Variants in LUZP2 observed in about 807,000 individuals in gnomAD.
The protein encoded by LUZP2 is leucine zipper protein 2.
LUZP2 carries 52 observed loss-of-function variants against 51.6 expected under a neutral mutation model. The observed-to-expected ratio is 1.01, with a 90% confidence interval of 0.81 to 1.27. LUZP2 has a LOEUF of 1.27. Among genes scored for constraint, LUZP2 ranks in the 50% most tolerant of loss-of-function variants. LUZP2 has a pLI of 0.00. For synonymous variants in LUZP2, 154 were observed against 137.3 expected (o/e 1.12, Z -0.85); for missense variants, 436 against 395.4 (o/e 1.10, Z -0.87).
intron 1 of LUZP2, among the ~76,000 whole-genome samples, chr11:24,602,002 A>G (rs61875669): frequency 1.5e-3 from 120 of 78,056 alleles, no homozygotes; most frequent in Non-Finnish European, 2.4e-3. Flanking sequence ...ATATATGTAT[A>G]TATATGTATA....
intron 7 of LUZP2, among the ~76,000 whole-genome samples, chr11:24,961,938 G>A (rs1855422333): frequency 6.6e-6 from 1 of 151,820 alleles, no homozygotes; most frequent in Non-Finnish European, 1.5e-5. Context: ...TTTAGGGCAG[G>A]CCTGGTGGTG....
At chr11:24,650,873 ATTACC>A (rs1855604562) in intron 1 of LUZP2, among the ~76,000 whole-genome samples, 1 of 152,058 alleles carries the variant, frequency 6.6e-6, no homozygotes, top group African/African-American at 2.4e-5. Context: ...TCTTAAATAC[ATTACC>A]TTAGGCAGAT....
At chr11:24,517,846 G>C (rs1850527667) in intron 1 of LUZP2, among the ~76,000 whole-genome samples, 1 of 151,960 alleles carries the variant, frequency 6.6e-6, no homozygotes, top group Admixed American at 6.5e-5. Flanking sequence ...CATGTTTATG[G>C]TGTATAACAG....
intron 5 of LUZP2, among the ~76,000 whole-genome samples, chr11:24,872,818 G>A (rs1174225361): frequency 2.0e-5 from 3 of 152,104 alleles, no homozygotes; most frequent in African/African-American, 7.2e-5. Context: ...GAGTCAAGAA[G>A]CATACATTAC....
intron 5 of LUZP2, among the ~76,000 whole-genome samples, chr11:24,827,920 A>C (rs570254972): frequency 7.2e-5 from 11 of 152,174 alleles, no homozygotes; most frequent in Admixed American, 5.9e-4. Context: ...GACAACAGAA[A>C]ATTTCCACAG....
At chr11:24,786,043 A>ATCTTTGT in intron 5 of LUZP2, 1 of 985,330 alleles carries the variant, frequency 1.0e-6, no homozygotes, top group Non-Finnish European at 1.2e-6. Flanking sequence ...TCAATGTATT[A>ATCTTTGT]ACTCATCTTT....
intron 9 of LUZP2, among the ~76,000 whole-genome samples, chr11:24,993,883 T>A: frequency 6.6e-6 from 1 of 151,668 alleles, no homozygotes; most frequent in East Asian, 1.9e-4. Flanking sequence ...TGTGGGGGAA[T>A]AGAGTCTCGC....
chr11:24,662,909 T>C (rs1856068332), intron 1 of LUZP2, among the ~76,000 whole-genome samples: 1 of 152,044 alleles, frequency 6.6e-6, no homozygotes, highest in Non-Finnish European at 1.5e-5. Context: ...GATACAAGTG[T>C]GAGACAGTTA....
chr11:24,568,362 A>AC (rs34644209), intron 1 of LUZP2, among the ~76,000 whole-genome samples: 61,322 of 148,822 alleles, frequency 0.41, 13,052 homozygotes, highest in African/African-American at 0.51. Context: ...TCAGAAAAAA[A>AC]AAAAAAAAAA....
chr11:24,717,245 C>T (rs1210800661), intron 1 of LUZP2, among the ~76,000 whole-genome samples: 1 of 152,046 alleles, frequency 6.6e-6, no homozygotes, highest in Non-Finnish European at 1.5e-5. Context: ...TTAAGCATCT[C>T]ACAATGTGCT....
At chr11:24,633,805 C>T (rs1854974822) in intron 1 of LUZP2, among the ~76,000 whole-genome samples, 1 of 151,754 alleles carries the variant, frequency 6.6e-6, no homozygotes, top group Admixed American at 6.6e-5. Flanking sequence ...AATTTATTTT[C>T]TGCTCACAAA....
At chr11:24,929,278 T>G (rs1312771046) in intron 7 of LUZP2, among the ~76,000 whole-genome samples, 1 of 152,148 alleles carries the variant, frequency 6.6e-6, no homozygotes, top group Non-Finnish European at 1.5e-5. Flanking sequence ...TGATTTGTTC[T>G]TGTTTCTCTA....
In LUZP2 at chr11:25,043,794, A is replaced by G. The variant is rs1858156763; in HGVS notation, c.766-6244A>G. On this transcript the variant is annotated intron_variant, in intron 9 of 11. Transcript: ENST00000336930. ...TAATATATATAGTGTGTGTATATAT[A>G]TATCTGTCACATTATGTAAAAAGTA... Among the ~76,000 whole-genome samples the G allele has an allele frequency of 2.0e-5, 3 of 147,956 alleles. No homozygotes were observed. The South Asian group carries it at 6.3e-4, about 31-fold the overall frequency.
intron 7 of LUZP2, among the ~76,000 whole-genome samples, chr11:24,954,101 A>G (rs1855152997): frequency 1.3e-5 from 2 of 152,130 alleles, no homozygotes; most frequent in South Asian, 2.1e-4. Flanking sequence ...TTACAGCACA[A>G]TGGCTTTGCC....
chr11:24,892,896 T>A (rs1475959976), intron 5 of LUZP2: 1 of 152,160 alleles, frequency 6.6e-6, no homozygotes, highest in African/African-American at 2.4e-5. Flanking sequence ...CTAAATGATG[T>A]TTTGCAAATA....
chr11:24,857,916 A>G (rs1197631534), intron 5 of LUZP2, among the ~76,000 whole-genome samples: 1 of 152,094 alleles, frequency 6.6e-6, no homozygotes, highest in African/African-American at 2.4e-5. Context: ...CAGTTCATGT[A>G]TTTTGAATCC....
chr11:24,531,292 A>C (rs1850989576), intron 1 of LUZP2, among the ~76,000 whole-genome samples: 1 of 150,666 alleles, frequency 6.6e-6, no homozygotes, highest in African/African-American at 2.4e-5. Flanking sequence ...TAAGATGTTT[A>C]ATTATAATAA....
At chr11:24,657,824 A>G (rs1013145207) in intron 1 of LUZP2, among the ~76,000 whole-genome samples, 1 of 152,194 alleles carries the variant, frequency 6.6e-6, no homozygotes, top group African/African-American at 2.4e-5. Context: ...CCCATTCACA[A>G]TTGCTTCAAA....
Position 24,517,372 on chromosome 11 carries a change from G to C in LUZP2, c.62+20067G>C, listed in dbSNP as rs540237513. Among the ~76,000 whole-genome samples, 95 of 150,566 alleles carry C rather than the reference G, an allele frequency of 6.3e-4. 1 individual carries two copies. Among genetic ancestry groups the C allele is most frequent in the African/African-American group, 2.2e-3 (89 of 41,036 alleles). ...GTGGTGGCGGGTTCCTGTAGTCCCAGCTACTCGGGAGGCTGAGGCAGGAGA... is the reference window on the plus strand; with the variant it reads ...GTGGTGGCGGGTTCCTGTAGTCCCACCTACTCGGGAGGCTGAGGCAGGAGA... On this transcript the variant is annotated intron_variant, in intron 1 of 11. Coordinates refer to ENST00000336930, the MANE Select transcript of LUZP2 (RefSeq NM_001009909.4).
Sources: gnomAD v4.1 joint callset for allele counts (sites outside exome capture counted in the v4.1 genomes callset) on GRCh38, gnomAD v4.1.1 for gene constraint, MANE v1.5 for transcripts, NCBI Gene and HGNC (gene_info 2026-07-23, HGNC 2026-07-21) for gene names.